The following NCK1 variants were observed in gnomAD, a reference collection of about 807,000 sequenced individuals.
NCK1 encodes the protein SH2/SH3 adapter protein NCK1.
NCK1 carries 19 observed loss-of-function variants against 36.6 expected under a neutral mutation model. The ratio of observed to expected loss-of-function variants is 0.52; its 90% CI spans 0.36 to 0.76. NCK1 has a LOEUF of 0.76. Among genes scored for constraint, NCK1 ranks in the 30% least tolerant of loss-of-function variants. The pLI is 0.00. For missense variants in NCK1, 358 were observed against 445.6 expected (o/e 0.80, Z 1.77); for synonymous variants, 165 against 156.0 (o/e 1.06, Z -0.43).
intron 1 of NCK1, among the ~76,000 whole-genome samples, chr3:136,902,391 C>T (rs1002246993): frequency 6.6e-6 from 1 of 151,996 alleles, no homozygotes; most frequent in African/African-American, 2.4e-5. Context: ...AACGGGGTTT[C>T]AGCATGCTGC....
At chr3:136,873,430 CTTGCTT>C (rs1938683101) in intron 1 of NCK1, among the ~76,000 whole-genome samples, 2 of 152,242 alleles carry the variant, frequency 1.3e-5, no homozygotes, top group East Asian at 3.9e-4. Context: ...AAGTAACTAC[CTTGCTT>C]TTGATTTTAC....
intron 1 of NCK1, among the ~76,000 whole-genome samples, chr3:136,896,401 G>A (rs1939391692): frequency 6.6e-6 from 1 of 152,076 alleles, no homozygotes; most frequent in Non-Finnish European, 1.5e-5. Flanking sequence ...TGTCTTTCTA[G>A]TCCTGGCTTA....
chr3:136,915,157 C>T (rs1576974591), intron 1 of NCK1, among the ~76,000 whole-genome samples: 1 of 152,210 alleles, frequency 6.6e-6, no homozygotes, highest in Non-Finnish European at 1.5e-5. Flanking sequence ...GCAACACAGA[C>T]AGACTAATAC....
chr3:136,905,684 G>A (rs1230462729), intron 1 of NCK1, among the ~76,000 whole-genome samples: 3 of 151,954 alleles, frequency 2.0e-5, no homozygotes, highest in African/African-American at 7.3e-5. Context: ...GAGTGCAATG[G>A]TGTGATCATG....
In NCK1 at chr3:136,929,911, G is replaced by A. The variant is rs186230008; in HGVS notation, c.226+1684G>A. Among the ~76,000 whole-genome samples the A allele has an allele frequency of 4.6e-4, 70 of 152,222 alleles. No homozygotes were observed. In the East Asian group the frequency reaches 6.7e-3, roughly 15 times the overall value. On this transcript the variant is annotated intron_variant, in intron 2 of 3. Transcript: ENST00000481752. ...TTGTTAATACTCCAGGATGCATTCC[G>A]TACTACAGTATTCTGATGTTATTGA...
intron 1 of NCK1, chr3:136,899,507 A>G (rs1939484853): frequency 2.3e-6 from 1 of 430,904 alleles, no homozygotes; most frequent in African/African-American, 2.1e-5. Flanking sequence ...AATCAGAATC[A>G]TCCTCAGAAT....
intron 1 of NCK1, among the ~76,000 whole-genome samples, chr3:136,877,645 T>G (rs1029808444): frequency 6.6e-6 from 1 of 152,158 alleles, no homozygotes; most frequent in Non-Finnish European, 1.5e-5. Flanking sequence ...AGATTTGAAC[T>G]ACACAGGTAA....
intron 1 of NCK1, among the ~76,000 whole-genome samples, chr3:136,913,070 TA>T (rs1238720591): frequency 1.3e-5 from 2 of 152,182 alleles, no homozygotes; most frequent in East Asian, 3.8e-4. Context: ...GGTAGCTTTT[TA>T]AAAGTCTTTG....
At chr3:136,930,763 T>C (rs969507535) in intron 2 of NCK1, among the ~76,000 whole-genome samples, 1 of 152,212 alleles carries the variant, frequency 6.6e-6, no homozygotes, top group African/African-American at 2.4e-5. Context: ...AAATTGTAGT[T>C]TCGACTTGGT....
chr3:136,939,274 T>G (rs1467202395), intron 2 of NCK1, among the ~76,000 whole-genome samples: 1 of 152,176 alleles, frequency 6.6e-6, no homozygotes. Context: ...CAGTTGTTCA[T>G]AGTATTTGTT....
intron 1 of NCK1, among the ~76,000 whole-genome samples, chr3:136,921,945 A>T (rs759422849): frequency 2.6e-5 from 4 of 152,034 alleles, no homozygotes; most frequent in Non-Finnish European, 5.9e-5. Flanking sequence ...CACCACGCCC[A>T]GCTAATTTTA....
chr3:136,941,229 G>A (rs925666181), intron 2 of NCK1, among the ~76,000 whole-genome samples: 1 of 150,100 alleles, frequency 6.7e-6, no homozygotes, highest in South Asian at 2.1e-4. Flanking sequence ...AGGTTCAAGC[G>A]ACACTTATAT....
intron 1 of NCK1, among the ~76,000 whole-genome samples, chr3:136,915,731 T>G (rs1413535496): frequency 1.4e-5 from 2 of 142,146 alleles, no homozygotes; most frequent in South Asian, 2.2e-4. Context: ...TTTGCTTTTG[T>G]TTTTTTTTTT....
intron 1 of NCK1, among the ~76,000 whole-genome samples, chr3:136,862,843 G>A (rs972322090): frequency 6.6e-6 from 1 of 152,066 alleles, no homozygotes; most frequent in African/African-American, 2.4e-5. Flanking sequence ...GGACATCTTC[G>A]GGACGCGCCC....
chr3:136,890,240 G>A (rs1477135936), intron 1 of NCK1, among the ~76,000 whole-genome samples: 1 of 152,206 alleles, frequency 6.6e-6, no homozygotes, highest in Non-Finnish European at 1.5e-5. Flanking sequence ...TGCTGGCCCG[G>A]GTGCTAAGCC....
At chr3:136,913,027 T>C (rs1346771256) in intron 1 of NCK1, among the ~76,000 whole-genome samples, 3 of 152,174 alleles carry the variant, frequency 2.0e-5, no homozygotes, top group Non-Finnish European at 2.9e-5. Context: ...TGCCTTTCTC[T>C]GTGTCTTCTT....
intron 1 of NCK1, among the ~76,000 whole-genome samples, chr3:136,897,921 A>G (rs546007683): frequency 1.5e-3 from 224 of 152,330 alleles, no homozygotes; most frequent in Non-Finnish European, 2.9e-3. Flanking sequence ...AGCTTCCTAA[A>G]AAGCTGTATT....
At chr3:136,885,222 G>A (rs1274873617) in intron 1 of NCK1, among the ~76,000 whole-genome samples, 1 of 152,172 alleles carries the variant, frequency 6.6e-6, no homozygotes, top group Non-Finnish European at 1.5e-5. Flanking sequence ...AAGTGGCCAT[G>A]AGTTGATGAT....
intron 1 of NCK1, among the ~76,000 whole-genome samples, chr3:136,911,498 A>G (rs1939826871): frequency 6.6e-6 from 1 of 152,178 alleles, no homozygotes; most frequent in Non-Finnish European, 1.5e-5. Context: ...AGTGATGCTG[A>G]GCATTTTCTT....
Sources: allele counts gnomAD v4.1 joint callset (sites outside exome capture counted in the v4.1 genomes callset), GRCh38; gene constraint gnomAD v4.1.1; transcripts MANE v1.5; gene names NCBI Gene and HGNC (gene_info 2026-07-23, HGNC 2026-07-21).